MAP7: variants seen among roughly 807,000 people sequenced by gnomAD.
The protein encoded by MAP7 is microtubule associated protein 7, also known as ensconsin.
MAP7 carries 52 observed loss-of-function variants against 94.8 expected under a neutral mutation model. The observed-to-expected ratio is 0.55, with a 90% CI of 0.44 to 0.69. The LOEUF (loss-of-function observed/expected upper bound fraction) is 0.69, where lower values mean the gene tolerates loss of function less well. Among genes scored for constraint, MAP7 ranks in the 30% least tolerant of loss-of-function variants. The pLI, the probability that MAP7 is intolerant of heterozygous loss-of-function variation, is 0.00. For missense variants in MAP7, 940 were observed against 964.6 expected, an observed-to-expected ratio of 0.97 and a Z score of 0.34; for synonymous variants, 350 against 357.0, an observed-to-expected ratio of 0.98 and a Z score of 0.22.
intron 3 of MAP7, among the ~76,000 whole-genome samples, chr6:136,396,699 T>C (rs1436216457): frequency 6.6e-6 from 1 of 152,228 alleles, no homozygotes; most frequent in Non-Finnish European, 1.5e-5. Context: ...TGTTTGGTCC[T>C]GGGTAAATTG....
intron 7 of MAP7, among the ~76,000 whole-genome samples, chr6:136,375,173 G>A (rs1775734622): frequency 6.6e-6 from 1 of 152,104 alleles, no homozygotes; most frequent in Admixed American, 6.5e-5. Context: ...GCATAATATG[G>A]TAATACGGTA....
intron 1 of MAP7, among the ~76,000 whole-genome samples, chr6:136,433,720 A>G (rs1393497118): frequency 6.6e-6 from 1 of 152,166 alleles, no homozygotes; most frequent in Non-Finnish European, 1.5e-5. Flanking sequence ...GCTTCTGCCA[A>G]CTCTGATGGG....
At chr6:136,435,583 C>T (rs1398983061) in intron 1 of MAP7, among the ~76,000 whole-genome samples, 2 of 152,204 alleles carry the variant, frequency 1.3e-5, no homozygotes, top group Non-Finnish European at 2.9e-5. Context: ...ATGCCCTAAA[C>T]TTCATGACAC....
intron 5 of MAP7, among the ~76,000 whole-genome samples, chr6:136,384,108 T>C (rs907336868): frequency 2.0e-5 from 3 of 152,122 alleles, no homozygotes; most frequent in African/African-American, 7.2e-5. Context: ...AAGAGGACCA[T>C]AAAAGCGAAT....
chr6:136,453,507 G>A (rs960037518), intron 1 of MAP7, among the ~76,000 whole-genome samples: 3 of 152,194 alleles, frequency 2.0e-5, no homozygotes, highest in Admixed American at 6.5e-5. Flanking sequence ...TCTAGTGAAT[G>A]TTCAGTGAGT....
intron 1 of MAP7, among the ~76,000 whole-genome samples, chr6:136,497,444 G>A (rs1441908285): frequency 6.6e-6 from 1 of 150,902 alleles, no homozygotes; most frequent in African/African-American, 2.5e-5. Flanking sequence ...TTGTTCCCCT[G>A]CCCCATTTTG....
chr6:136,377,646 C>CG (rs890008794), intron 7 of MAP7, 109 bp downstream of exon 7: 10 of 758,318 alleles, frequency 1.3e-5, no homozygotes, highest in Non-Finnish European at 1.8e-5. Context: ...ACATTTCCAC[C>CG]GGGGGAAGAG....
chr6:136,466,052 A>T (rs895279227), intron 1 of MAP7, among the ~76,000 whole-genome samples: 1 of 152,236 alleles, frequency 6.6e-6, no homozygotes, highest in Non-Finnish European at 1.5e-5. Context: ...AATGTAGTCT[A>T]TAAAGTTCCA....
At chr6:136,446,801 C>T (rs1204280515) in intron 1 of MAP7, among the ~76,000 whole-genome samples, 1 of 152,176 alleles carries the variant, frequency 6.6e-6, no homozygotes, top group African/African-American at 2.4e-5. Flanking sequence ...CCAACTTTGG[C>T]ATATTAGACA....
Position 136,550,291 on chromosome 6 carries a change from C to A in MAP7, c.67+51G>T. The A allele has an allele frequency of 2.8e-6, 4 of 1,416,854 alleles. No homozygotes were observed. Among genetic ancestry groups the A allele is most frequent in the Non-Finnish European group, 3.7e-6 (4 of 1,080,370 alleles). 87.8% of individuals were successfully genotyped at this position (1,416,854 alleles called of 1,614,324 possible). On this transcript the variant is annotated intron_variant, in intron 1 of 17. Transcript: ENST00000354570. The surrounding 1 kb of genome is among the most constrained non-coding windows in gnomAD (Gnocchi z 5.1). The stretch of plus-strand genomic sequence containing the variant: ...TTTCGGTGCCAGCCCGCCGGCCCCG[C>A]TCGCCGTCCCCTGCCCGACGGGACC...
chr6:136,528,320 C>T (rs899383985), intron 1 of MAP7, among the ~76,000 whole-genome samples: 1 of 152,216 alleles, frequency 6.6e-6, no homozygotes, highest in Admixed American at 6.5e-5. Context: ...AACATACTTC[C>T]ATAATTTTCT....
At position 136,344,045 on chromosome 6, in the gene MAP7, T is replaced by G. The variant is rs1252580376; in HGVS notation, c.*183A>C. On this transcript the variant is annotated 3_prime_UTR_variant, in exon 18 of 18. Coordinates refer to ENST00000354570, the MANE Select transcript of MAP7 (RefSeq NM_003980.6). ...AGACGTATTTCTTTTTTCCTATTGA[T>G]GAAAATTATTAGAAAAGCTATCCAG... 2.8e-6 allele frequency: 1 copy of G among 357,364 alleles called. No individual in the cohort carries two copies. Among genetic ancestry groups the G allele is most frequent in the African/African-American group, 2.1e-5 (1 of 47,756 alleles). 22.1% of individuals were successfully genotyped at this position (357,364 alleles called of 1,614,324 possible).
intron 1 of MAP7, among the ~76,000 whole-genome samples, chr6:136,474,827 C>T (rs569519421): frequency 6.6e-6 from 1 of 152,040 alleles, no homozygotes; most frequent in South Asian, 2.1e-4. Flanking sequence ...GTGATCCTCC[C>T]ACCTCAGCCT....
At chr6:136,427,580 A>T (rs1793543104) in intron 1 of MAP7, among the ~76,000 whole-genome samples, 1 of 152,248 alleles carries the variant, frequency 6.6e-6, no homozygotes, top group African/African-American at 2.4e-5. Context: ...TGAAACAGAA[A>T]TAACAATCAT....
At chr6:136,422,041 G>T (rs1446223402) in intron 1 of MAP7, among the ~76,000 whole-genome samples, 6 of 152,200 alleles carry the variant, frequency 3.9e-5, no homozygotes, top group African/African-American at 1.2e-4. Context: ...GGGCCATGAA[G>T]GGCCTTTCCC....
At chr6:136,524,233 G>C (rs1471715274) in intron 1 of MAP7, among the ~76,000 whole-genome samples, 1 of 152,014 alleles carries the variant, frequency 6.6e-6, no homozygotes, top group Non-Finnish European at 1.5e-5. Flanking sequence ...AACAGAGCAA[G>C]ACTCCATCTC....
intron 1 of MAP7, among the ~76,000 whole-genome samples, chr6:136,457,969 A>G (rs922690257): frequency 1.3e-5 from 2 of 152,168 alleles, no homozygotes; most frequent in African/African-American, 2.4e-5. Flanking sequence ...AAAAAGAAAT[A>G]AGCACTGAAA....
At position 136,362,495 on chromosome 6, in the gene MAP7, C is replaced by T. The variant is rs868502218; in HGVS notation, c.1481G>A (p.Arg494Lys). Residue 494 changes from arginine (R) to lysine (K), a missense_variant, in exon 11 of 18, where the codon AGA becomes AAA. Transcript: ENST00000354570. ...CCTCCTCTCCCTTTCTTCCTTTTCT[C>T]TCTGCTCTCGGGCCAGCCGCCTCTT... Reference protein sequence around the residue: ...AEKRRLAREQREKEERERREQ... With the variant: ...AEKRRLAREQKEKEERERREQ... 5 of 1,614,208 alleles carry T rather than the reference C, an allele frequency of 3.1e-6. No individual in the cohort carries two copies. Among genetic ancestry groups the T allele is most frequent in the African/African-American group, 1.3e-5 (1 of 75,062 alleles).
At position 136,366,023 on chromosome 6, in the gene MAP7, G is replaced by T. The variant is rs1486399934; in HGVS notation, c.990-5C>A. 2 of 1,604,346 alleles carry T rather than the reference G, an allele frequency of 1.2e-6. No homozygotes were observed. The highest frequency in any genetic ancestry group is 2.7e-5 in the African/African-American group (2 of 74,740). On this transcript the variant is annotated splice_region_variant and splice_polypyrimidine_tract_variant and intron_variant, in intron 9 of 17. Transcript: ENST00000354570. ...GGAAGAGACTTGGACGGAAGCCTGG[G>T]CCACAAACAAACAAGGCAGACAAAA...
Sources: allele counts gnomAD v4.1 joint callset (sites outside exome capture counted in the v4.1 genomes callset), GRCh38; gene constraint gnomAD v4.1.1; non-coding constraint Gnocchi (gnomAD v3.1); transcripts MANE v1.5; gene names NCBI Gene and HGNC (gene_info 2026-07-23, HGNC 2026-07-21).